The following ADCY10 variants were observed in gnomAD, a reference collection of about 807,000 sequenced individuals.
ADCY10 encodes the protein adenylate cyclase type 10.
ADCY10 carries 156 observed loss-of-function variants against 183.3 expected under a neutral mutation model. The ratio of observed to expected loss-of-function variants is 0.85; its 90% CI spans 0.75 to 0.97. ADCY10 has a LOEUF of 0.97. Among genes scored for constraint, ADCY10 ranks in the 50% least tolerant of loss-of-function variants. The pLI is 0.00. For missense variants in ADCY10, 1,745 were observed against 1,934.3 expected (o/e 0.90, Z 1.84); for synonymous variants, 645 against 670.0 (o/e 0.96, Z 0.58).
At chr1:167,882,484 CAAAAAAAA>C (rs71100909) in intron 9 of ADCY10, among the ~76,000 whole-genome samples, 1 of 71,142 alleles carries the variant, frequency 1.4e-5, no homozygotes, top group Admixed American at 1.6e-4. Context: ...GATTCCGTCT[CAAAAAAAA>C]AAAAAAAAAA....
At chr1:167,893,233 T>C (rs1441739971) in intron 8 of ADCY10, among the ~76,000 whole-genome samples, 1 of 152,218 alleles carries the variant, frequency 6.6e-6, no homozygotes, top group Non-Finnish European at 1.5e-5. Context: ...GAAGTCTTTC[T>C]GCTATGTGGC....
chr1:167,847,179 G>A (rs35280473), intron 19 of ADCY10, among the ~76,000 whole-genome samples: 13,493 of 151,820 alleles, frequency 0.089, 753 homozygotes, highest in Middle Eastern at 0.13. Context: ...CACCTGCCTC[G>A]GCCTCCCAAA....
chr1:167,889,142 C>T (rs1387040403), intron 8 of ADCY10, among the ~76,000 whole-genome samples: 1 of 152,050 alleles, frequency 6.6e-6, no homozygotes, highest in African/African-American at 2.4e-5. Flanking sequence ...AGTGGGCATC[C>T]TTGTGTTCTA....
At chr1:167,817,648 C>T (rs919449699) in intron 31 of ADCY10, among the ~76,000 whole-genome samples, 1 of 152,134 alleles carries the variant, frequency 6.6e-6, no homozygotes, top group Non-Finnish European at 1.5e-5. Flanking sequence ...TACCAGGATG[C>T]TTTATCACAG....
intron 1 of ADCY10, among the ~76,000 whole-genome samples, chr1:167,911,733 T>G (rs548720460): frequency 6.6e-6 from 1 of 152,346 alleles, no homozygotes; most frequent in South Asian, 2.1e-4. Flanking sequence ...TAAATTTATG[T>G]TCAAGTGCTA....
chr1:167,828,292 G>C (rs1663463186), intron 26 of ADCY10, among the ~76,000 whole-genome samples: 1 of 152,164 alleles, frequency 6.6e-6, no homozygotes, highest in Non-Finnish European at 1.5e-5. Flanking sequence ...GGAACCACTT[G>C]GTTCCAATCT....
intron 1 of ADCY10, among the ~76,000 whole-genome samples, 171 bp from the exon 2 acceptor site, chr1:167,905,369 T>G (rs1248883422): frequency 2.0e-5 from 3 of 152,178 alleles, no homozygotes; most frequent in Non-Finnish European, 2.9e-5. Context: ...GGAAGAACCC[T>G]CCCACCCTGA....
chr1:167,841,179 C>A (rs1312747495), intron 21 of ADCY10, among the ~76,000 whole-genome samples: 1 of 152,044 alleles, frequency 6.6e-6, no homozygotes, highest in Non-Finnish European at 1.5e-5. Flanking sequence ...TGAGCTCAAG[C>A]AATCCACCTG....
At chr1:167,848,315 C>T (rs1665200431) in intron 19 of ADCY10, 46 bp downstream of exon 19, 1 of 1,553,876 alleles carries the variant, frequency 6.4e-7, no homozygotes, top group Non-Finnish European at 8.8e-7. Context: ...TCCCAAAGTG[C>T]TGGGATTACA....
intron 16 of ADCY10, 47 bp from the exon 17 acceptor site, chr1:167,856,486 G>GA (rs774112963): frequency 6.2e-7 from 1 of 1,605,892 alleles, no homozygotes; most frequent in East Asian, 2.2e-5. Context: ...AGGACGTCAG[G>GA]TTTTTTTACA....
intron 3 of ADCY10, among the ~76,000 whole-genome samples, chr1:167,903,087 T>G (rs2102430721): frequency 6.6e-6 from 1 of 151,160 alleles, no homozygotes; most frequent in South Asian, 2.1e-4. Context: ...AAACCCTATC[T>G]CTACTGAAAA....
chr1:167,817,453 G>A (rs1025477730), intron 31 of ADCY10, among the ~76,000 whole-genome samples: 1 of 152,192 alleles, frequency 6.6e-6, no homozygotes, highest in Non-Finnish European at 1.5e-5. Context: ...GTGTTTACAA[G>A]AACAAGGCAA....
chr1:167,904,082 C>CTTTTT (rs879025060), intron 2 of ADCY10, 91 bp from the exon 3 acceptor site: 29 of 363,700 alleles, frequency 8.0e-5, no homozygotes, highest in African/African-American at 1.2e-4. Flanking sequence ...CGGGCCTCAG[C>CTTTTT]TTTTTTTTTT....
chr1:167,857,612 T>C (rs1375391920), intron 16 of ADCY10, among the ~76,000 whole-genome samples: 5 of 152,232 alleles, frequency 3.3e-5, no homozygotes, highest in Admixed American at 3.3e-4. Flanking sequence ...TTGGGTTCTT[T>C]TTAAAGTGAA....
chr1:167,884,415 C>T (rs1314617563), intron 8 of ADCY10, among the ~76,000 whole-genome samples: 1 of 152,128 alleles, frequency 6.6e-6, no homozygotes, highest in Admixed American at 6.5e-5. Flanking sequence ...TATAATCCAC[C>T]CCTATGATCC....
intron 12 of ADCY10, among the ~76,000 whole-genome samples, chr1:167,877,351 A>T (rs959214943): frequency 5.3e-5 from 8 of 151,688 alleles, no homozygotes; most frequent in Admixed American, 4.6e-4. Flanking sequence ...ACTGCACTTT[A>T]TTGATGGCCT....
intron 26 of ADCY10, 71 bp downstream of exon 26, chr1:167,829,196 T>C (rs1663530071): frequency 6.4e-7 from 1 of 1,567,516 alleles, no homozygotes; most frequent in Admixed American, 1.7e-5. Flanking sequence ...GAATCCTAAT[T>C]GGCTTTCACT....
intron 8 of ADCY10, among the ~76,000 whole-genome samples, chr1:167,885,636 A>G (rs567350979): frequency 2.0e-5 from 3 of 150,624 alleles, no homozygotes; most frequent in Admixed American, 2.0e-4. Context: ...TTTTTTTTTG[A>G]GACGGAGTCT....
chr1:167,850,697 G>GTGTGTGTATA (rs1553267960), intron 18 of ADCY10, among the ~76,000 whole-genome samples: 1 of 142,260 alleles, frequency 7.0e-6, no homozygotes, highest in African/African-American at 2.7e-5. Flanking sequence ...GTGTGTGTGT[G>GTGTGTGTATA]TGTGTGTGTG....
Sources: gnomAD v4.1 joint callset for allele counts (sites outside exome capture counted in the v4.1 genomes callset) on GRCh38, gnomAD v4.1.1 for gene constraint, MANE v1.5 for transcripts, NCBI Gene and HGNC (gene_info 2026-07-23, HGNC 2026-07-21) for gene names.